The following ZNF618 variants were observed in gnomAD, a reference collection of about 807,000 sequenced individuals.
The protein encoded by ZNF618 is neural precursor cell expressed, developmentally down-regulated 10.
Under a neutral mutation model 103.0 loss-of-function variants are expected in ZNF618, and 34 were observed. That is an observed-to-expected ratio of 0.33 (90% confidence interval 0.25 to 0.44). The LOEUF is 0.44. Among genes scored for constraint, ZNF618 ranks in the 20% least tolerant of loss-of-function variants. The pLI is 1.00. For synonymous variants in ZNF618, 551 were observed against 542.2 expected (o/e 1.02, Z -0.23); for missense variants, 1,059 against 1,295.4 (o/e 0.82, Z 2.80).
At chr9:113,912,288 C>T (rs1054066315) in intron 1 of ZNF618, among the ~76,000 whole-genome samples, 2 of 152,212 alleles carry the variant, frequency 1.3e-5, no homozygotes, top group Admixed American at 1.3e-4. Flanking sequence ...CATTCATCTA[C>T]ACAAAGGGAT....
chr9:114,032,307 T>C (rs1844141140), intron 11 of ZNF618, among the ~76,000 whole-genome samples: 1 of 152,222 alleles, frequency 6.6e-6, no homozygotes, highest in Non-Finnish European at 1.5e-5. Context: ...AATGATTTGC[T>C]GTCACGGTTG....
intron 13 of ZNF618, among the ~76,000 whole-genome samples, chr9:114,046,404 G>A (rs1388393051): frequency 6.6e-6 from 1 of 152,152 alleles, no homozygotes; most frequent in African/African-American, 2.4e-5. Context: ...GTAACGCACT[G>A]TACAGGTTTG....
intron 1 of ZNF618, among the ~76,000 whole-genome samples, chr9:113,918,412 G>A (rs7853127): frequency 0.44 from 67,228 of 152,032 alleles, 15,472 homozygotes; most frequent in Non-Finnish European, 0.51. Context: ...TTTTCATCAT[G>A]CTTTTCTATC....
chr9:113,926,716 G>T (rs1325477006), intron 1 of ZNF618, among the ~76,000 whole-genome samples: 1 of 152,032 alleles, frequency 6.6e-6, no homozygotes, highest in African/African-American at 2.4e-5. Context: ...TTTTTTACTG[G>T]TATTTTAAAT....
At chr9:114,004,401 G>T (rs1841540033) in intron 6 of ZNF618, among the ~76,000 whole-genome samples, 2 of 152,072 alleles carry the variant, frequency 1.3e-5, no homozygotes, top group Admixed American at 1.3e-4. Context: ...TTCTTTTCCG[G>T]CTCCCATGGA....
intron 1 of ZNF618, among the ~76,000 whole-genome samples, chr9:113,966,267 G>C (rs921868764): frequency 1.9e-4 from 29 of 152,126 alleles, no homozygotes; most frequent in African/African-American, 6.0e-4. Context: ...GGGAGAAATC[G>C]AGGCCTTGGA....
chr9:113,898,411 G>A (rs1830224198), intron 1 of ZNF618, among the ~76,000 whole-genome samples: 1 of 148,844 alleles, frequency 6.7e-6, no homozygotes, highest in South Asian at 2.1e-4. Context: ...CTAAAATGAT[G>A]TCAGTAGCTG....
intron 1 of ZNF618, among the ~76,000 whole-genome samples, chr9:113,926,562 C>G (rs993111364): frequency 6.6e-6 from 1 of 152,054 alleles, no homozygotes; most frequent in Non-Finnish European, 1.5e-5. Flanking sequence ...CTATTTTTTA[C>G]ACTCTTTTTT....
At chr9:113,998,210 A>G (rs1840813059) in intron 3 of ZNF618, 49 bp from the exon 4 acceptor site, 1 of 1,524,986 alleles carries the variant, frequency 6.6e-7, no homozygotes, top group Non-Finnish European at 8.9e-7. Context: ...CTAACCTTCC[A>G]GGCATTCTCC....
chr9:113,900,117 G>A (rs1830386319), intron 1 of ZNF618, among the ~76,000 whole-genome samples: 1 of 152,050 alleles, frequency 6.6e-6, no homozygotes, highest in Non-Finnish European at 1.5e-5. Flanking sequence ...GAGTGCAGTG[G>A]TGTTATCTCG....
intron 7 of ZNF618, 113 bp downstream of exon 7, chr9:114,007,552 G>C: frequency 1.0e-6 from 1 of 974,762 alleles, no homozygotes; most frequent in Non-Finnish European, 1.5e-6. Context: ...AAAAGGCCAG[G>C]CAGTAGCTGG....
chr9:113,887,280 AAG>A (rs796221145), intron 1 of ZNF618, among the ~76,000 whole-genome samples: 17 of 152,188 alleles, frequency 1.1e-4, no homozygotes, highest in African/African-American at 3.9e-4. Flanking sequence ...AAGACAGAGA[AAG>A]AGAGAGAGAT....
In ZNF618 at chr9:114,049,412, G is replaced by T. The variant is rs374734468; in HGVS notation, c.2110G>T (p.Val704Leu). 4.4e-6 allele frequency: 7 copies of T among 1,603,432 alleles called. No homozygotes were observed. Among genetic ancestry groups the T allele is most frequent in the African/African-American group, 2.7e-5 (2 of 74,718 alleles). ...CTCGGTGACGGACTCACTGTTGCTG[G>T]TGCATGAGCGCTATGAGCAGATCTG... ...WNSVTDSLLL[V>L]HERYEQICEF... is the part of the protein sequence containing the mutation. Residue 704 changes from valine (V) to leucine (L), a missense_variant, in exon 15 of 15, where the codon GTG (valine) becomes TTG (leucine). This residue lies in a region of ZNF618 where 272 missense variants were observed against 380.1 expected (regional missense o/e 0.72). Coordinates refer to ENST00000374126, the MANE Select transcript of ZNF618 (RefSeq NM_001318042.2).
chr9:114,002,590 C>T, intron 5 of ZNF618, 34 bp from the exon 6 acceptor site: 1 of 1,596,866 alleles, frequency 6.3e-7, no homozygotes, highest in Non-Finnish European at 8.5e-7. Context: ...GGCCCGGTAG[C>T]CCCACCCCCA....
chr9:113,994,704 T>C (rs563462771), intron 3 of ZNF618, among the ~76,000 whole-genome samples: 1 of 152,310 alleles, frequency 6.6e-6, no homozygotes, highest in East Asian at 1.9e-4. Context: ...GTAAAACCAG[T>C]ACCACTGCTA....
In ZNF618 at chr9:114,050,271, G is replaced by C; in HGVS notation, c.*104G>C. Reference sequence around the variant, plus strand: ...AGGAATTTAAGTTCTAAACACTGTGGACCTCATTATAAATGCCCCCTGGAA... The same window carrying C: ...AGGAATTTAAGTTCTAAACACTGTGCACCTCATTATAAATGCCCCCTGGAA... On this transcript the variant is annotated 3_prime_UTR_variant, in exon 15 of 15. Transcript: ENST00000374126. 1 of 1,381,792 alleles carries C rather than the reference G, an allele frequency of 7.2e-7. No individual in the cohort carries two copies. The highest frequency in any genetic ancestry group is 9.7e-7 in the Non-Finnish European group (1 of 1,031,648). 85.6% of individuals were successfully genotyped at this position (1,381,792 alleles called of 1,614,324 possible). A position where few individuals can be genotyped will look rare whatever the true frequency, so the allele number is the denominator to read the frequency against.
chr9:113,895,233 C>A (rs896858475), intron 1 of ZNF618, among the ~76,000 whole-genome samples: 5 of 152,052 alleles, frequency 3.3e-5, no homozygotes, highest in African/African-American at 1.2e-4. Context: ...TTGAATCATT[C>A]CCCTCCCCCA....
intron 1 of ZNF618, among the ~76,000 whole-genome samples, chr9:113,908,692 G>A (rs1831218424): frequency 6.6e-6 from 1 of 152,024 alleles, no homozygotes; most frequent in Non-Finnish European, 1.5e-5. Flanking sequence ...AACCCAGTTT[G>A]AAGACCGCTG....
chr9:114,048,881 C>G lies in ZNF618; in HGVS notation c.1579C>G (p.Pro527Ala). Residue 527 changes from proline to alanine, a missense_variant, in exon 15 of 15, where the codon CCA becomes GCA. Physicochemically the swap from Pro to Ala is conservative, Grantham distance 27. Transcript: ENST00000374126. ...CAACACGCTGGCGCTGAAGCACCTG[C>G]CACGCATGTACAACCAGGTGAAGGT... is the stretch of plus-strand genomic sequence containing the variant. ...NFNTLALKHL[P>A]RMYNQVKVKV... is the part of the protein sequence containing the mutation. 6.2e-7 allele frequency: 1 copy of G among 1,608,394 alleles called. No homozygotes were observed. Among genetic ancestry groups the G allele is most frequent in the Non-Finnish European group, 8.5e-7 (1 of 1,177,236 alleles).
Sources: allele counts gnomAD v4.1 joint callset (sites outside exome capture counted in the v4.1 genomes callset), GRCh38; gene constraint gnomAD v4.1.1; regional missense constraint gnomAD v4.1.1; transcripts MANE v1.5; gene names NCBI Gene and HGNC (gene_info 2026-07-23, HGNC 2026-07-21).